Variants in CLSTN3 observed in about 807,000 individuals in gnomAD.
CLSTN3 encodes calsyntenin-3.
CLSTN3 carries 36 observed loss-of-function variants against 95.9 expected under a neutral mutation model. The ratio of observed to expected loss-of-function variants is 0.38; its 90% CI spans 0.29 to 0.50. CLSTN3 has a LOEUF of 0.50. Among genes scored for constraint, CLSTN3 ranks in the 20% least tolerant of loss-of-function variants. CLSTN3 has a pLI of 0.95. For synonymous variants in CLSTN3, 481 were observed against 504.0 expected, an observed-to-expected ratio of 0.95 and a Z score of 0.61; for missense variants, 1,084 against 1,268.8, an observed-to-expected ratio of 0.85 and a Z score of 2.21.
chr12:7,138,273 T>TAAAAAAAAAAAAAA (rs1032125660), intron 8 of CLSTN3, among the ~76,000 whole-genome samples: 216 of 148,032 alleles, frequency 1.5e-3, no homozygotes, highest in East Asian at 7.6e-3. Context: ...CTTCTGGATT[T>TAAAAAAAAAAAAAA]AAAAAAAAAA....
chr12:7,135,255 G>C, intron 3 of CLSTN3, 72 bp from the exon 4 acceptor site: 2 of 1,432,584 alleles, frequency 1.4e-6, no homozygotes, highest in Admixed American at 1.7e-5. Context: ...GCTGTATCAA[G>C]GCTGTATCTC....
rs751855218 is a variant in CLSTN3 at position 7,135,908 on chromosome 12, G to A, written c.697G>A (p.Glu233Lys). 9.9e-6 allele frequency: 16 copies of A among 1,613,980 alleles called. No individual in the cohort carries two copies. The highest frequency in any genetic ancestry group is 1.3e-5 in the African/African-American group (1 of 75,062). Residue 233 changes from glutamate (E) to lysine (K), a missense_variant, in exon 5 of 18, where the codon GAG becomes AAG. Transcript: ENST00000266546. Reference protein sequence around the residue: ...CGKKRAADDAEVEIQVKPTCK... With the variant: ...CGKKRAADDAKVEIQVKPTCK... ...GAAGAAGCGGGCAGCAGATGATGCT[G>A]AGGTGGAGATTCAGGTGAAGCCCAC...
At position 7,157,889 on chromosome 12, in the gene CLSTN3, T is replaced by C; in HGVS notation, c.2731-52T>C. The C allele has an allele frequency of 6.5e-7, 1 of 1,544,424 alleles. No homozygotes were observed. Among genetic ancestry groups the C allele is most frequent in the South Asian group, 1.2e-5 (1 of 83,884 alleles). ...GAAGTGTGGTCCCTGAAAGAGAGGC[T>C]GGGATGTGTGCAGGCCATTGATCCC... On this transcript the variant is annotated intron_variant, in intron 17 of 17. Coordinates refer to ENST00000266546, the MANE Select transcript of CLSTN3 (RefSeq NM_014718.4). The surrounding 1 kb of genome is among the most constrained non-coding windows in gnomAD (Gnocchi z 5.9).
rs753658791 is a variant in CLSTN3 at position 7,149,110 on chromosome 12, C to T, written c.1986C>T (p.Asn662=). The T allele has an allele frequency of 9.9e-6, 16 of 1,614,062 alleles. No homozygotes were observed. The highest frequency in any genetic ancestry group is 4.5e-5 in the East Asian group (2 of 44,896). The change falls in exon 13 of 18, where the codon AAC becomes AAT. Residue 662 remains asparagine (N), a synonymous_variant. Transcript: ENST00000266546. The surrounding 1 kb of genome is among the most constrained non-coding windows in gnomAD (Gnocchi z 4.5). ...ARPAVDFEGT[N]GVPLFPDLQI... ...CAGCTGTGGACTTTGAGGGAACCAA[C>T]GGCGTCCCTTTGTTCCCTGATCTTC...
chr12:7,144,974 G>T (rs1591618511), intron 12 of CLSTN3, among the ~76,000 whole-genome samples: 1 of 151,976 alleles, frequency 6.6e-6, no homozygotes. Flanking sequence ...TTGTTAAAGG[G>T]CTGTCATCCA....
intron 1 of CLSTN3, 74 bp from the exon 2 acceptor site, chr12:7,132,950 G>A (rs772624226): frequency 1.9e-6 from 3 of 1,601,808 alleles, no homozygotes; most frequent in Non-Finnish European, 2.6e-6. Flanking sequence ...AGTTGTCTGG[G>A]TCAACAAGGG....
intron 1 of CLSTN3, chr12:7,131,025 C>G (rs574967433): frequency 2.0e-6 from 1 of 489,510 alleles, no homozygotes; most frequent in East Asian, 3.8e-5. Flanking sequence ...TGGTGGCTAC[C>G]TCGGGTCTGG....
At position 7,133,595 on chromosome 12, in the gene CLSTN3, C is replaced by G. The variant is rs759447166; in HGVS notation, c.210C>G (p.Leu70=). 1 of 1,613,972 alleles carries G rather than the reference C, an allele frequency of 6.2e-7. No homozygotes were observed. Among genetic ancestry groups the G allele is most frequent in the South Asian group, 1.1e-5 (1 of 91,080 alleles). ...RYAGEICGFR[L]HGSGVPFEAV... Reference sequence around the variant, plus strand: ...CAGGTGAGATCTGCGGCTTCCGGCTCCATGGGTCTGGGGTGCCCTTTGAGG... The same window carrying G: ...CAGGTGAGATCTGCGGCTTCCGGCTGCATGGGTCTGGGGTGCCCTTTGAGG... Residue 70 remains leucine, a synonymous_variant, in exon 3 of 18, where the codon CTC becomes CTG. Coordinates refer to ENST00000266546, the MANE Select transcript of CLSTN3 (RefSeq NM_014718.4). The surrounding 1 kb of genome is among the most constrained non-coding windows in gnomAD (Gnocchi z 4.7).
At position 7,133,655 on chromosome 12, in the gene CLSTN3, G is replaced by T. The variant is rs781710631; in HGVS notation, c.270G>T (p.Leu90=). 1 of 1,614,158 alleles carries T rather than the reference G, an allele frequency of 6.2e-7. No individual in the cohort carries two copies. Among genetic ancestry groups the T allele is most frequent in the South Asian group, 1.1e-5 (1 of 91,080 alleles). The stretch of plus-strand genomic sequence containing the variant: ...TTGACAAGGCGACAGGAGAGGGGCT[G>T]ATCCGGGCCAAGGAGCCTGTGGACT... ...VILDKATGEG[L]IRAKEPVDCE... The change falls in exon 3 of 18, where the codon CTG becomes CTT. Residue 90 remains leucine, a synonymous_variant. Transcript: ENST00000266546. The surrounding 1 kb of genome is among the most constrained non-coding windows in gnomAD (Gnocchi z 4.7).
chr12:7,134,074 T>A (rs911435073), intron 3 of CLSTN3, among the ~76,000 whole-genome samples: 2 of 152,210 alleles, frequency 1.3e-5, no homozygotes, highest in African/African-American at 4.8e-5. Flanking sequence ...ACCTACTTCA[T>A]AAGGCTGCTG....
rs1396766723 is a variant in CLSTN3, at chr12:7,150,570, G to A, written c.2272G>A (p.Glu758Lys). ...AGVESITVYEEILRQARYRLR... is the reference protein window; with the variant it reads ...AGVESITVYEKILRQARYRLR... ...GGTGGAGAGCATCACTGTGTATGAAGAGATCCTGAGGCAGGCTCGTTATCG... is the reference window on the plus strand; with the variant it reads ...GGTGGAGAGCATCACTGTGTATGAAAAGATCCTGAGGCAGGCTCGTTATCG... Residue 758 changes from glutamate to lysine, a missense_variant, in exon 15 of 18, where the codon GAG becomes AAG. Physicochemically the swap from Glu to Lys is moderately conservative, Grantham distance 56. Transcript: ENST00000266546. The surrounding 1 kb of genome is among the most constrained non-coding windows in gnomAD (Gnocchi z 4.0). 3.7e-6 allele frequency: 6 copies of A among 1,613,960 alleles called. No individual in the cohort carries two copies. Among genetic ancestry groups the A allele is most frequent in the Non-Finnish European group, 5.1e-6 (6 of 1,179,894 alleles).
At position 7,143,101 on chromosome 12, in the gene CLSTN3, C is replaced by T. The variant is rs771998660; in HGVS notation, c.1699-62C>T. The T allele has an allele frequency of 5.1e-5, 81 of 1,598,454 alleles. No individual in the cohort carries two copies. In the Admixed American group the frequency reaches 6.1e-4, roughly 12 times the overall value. On this transcript the variant is annotated intron_variant, in intron 11 of 17. Transcript: ENST00000266546. ...ACCCCCTTGCCCTACCCCTCTACCT[C>T]TGCTCCCTTCCTCTGCCACCTCCTG...
intron 12 of CLSTN3, 142 bp from the exon 13 acceptor site, chr12:7,148,830 A>T: frequency 1.4e-6 from 1 of 691,670 alleles, no homozygotes; most frequent in Non-Finnish European, 2.5e-6. Context: ...ATGCAGAGGC[A>T]TGACCCCCTT....
In CLSTN3 at chr12:7,130,683, C is replaced by T. The variant is rs760642941; in HGVS notation, c.35C>T (p.Ser12Phe). 6.3e-7 allele frequency: 1 copy of T among 1,574,884 alleles called. No individual in the cohort carries two copies. Among genetic ancestry groups the T allele is most frequent in the Non-Finnish European group, 8.6e-7 (1 of 1,159,136 alleles). ...TLLLLPLLLA[S>F]LLASCSCNKA... Reference sequence around the variant, plus strand: ...CTGCTGCTGCCCCTTCTGCTGGCCTCTCTGCTCGCGTCCTGCTCCTGTAAC... The same window carrying T: ...CTGCTGCTGCCCCTTCTGCTGGCCTTTCTGCTCGCGTCCTGCTCCTGTAAC... Residue 12 changes from serine (S) to phenylalanine (F), a missense_variant, in exon 1 of 18, where the codon TCT becomes TTT. Ser to Phe is a radical substitution (Grantham distance 155). Coordinates refer to ENST00000266546, the MANE Select transcript of CLSTN3 (RefSeq NM_014718.4).
At chr12:7,139,789 C>T (rs1387946407) in intron 8 of CLSTN3, among the ~76,000 whole-genome samples, 1 of 152,072 alleles carries the variant, frequency 6.6e-6, no homozygotes, top group Non-Finnish European at 1.5e-5. Flanking sequence ...GTTGGGACTA[C>T]AGGCGTGTGC....
In CLSTN3 at chr12:7,142,947, G is replaced by T. The variant is rs370059456; in HGVS notation, c.1619G>T (p.Arg540Leu). Residue 540 changes from arginine to leucine, a missense_variant, in exon 11 of 18, where the codon CGC (arginine) becomes CTC (leucine). By Grantham distance (102) the Arg-to-Leu change is moderately radical. Coordinates refer to ENST00000266546, the MANE Select transcript of CLSTN3 (RefSeq NM_014718.4). ...FSVRSGRLES[R>L]EVIECLYACR... is the part of the protein sequence containing the mutation. ...GTGCGCTCAGGTCGCCTGGAGAGCC[G>T]CGAGGTCATCGAGTGCCTCTATGCA... 26 of 1,614,102 alleles carry T rather than the reference G, an allele frequency of 1.6e-5. No homozygotes were observed. Among genetic ancestry groups the T allele is most frequent in the Non-Finnish European group, 2.2e-5 (26 of 1,180,004 alleles).
chr12:7,156,194 G>A (rs1414162785), intron 16 of CLSTN3: 5 of 443,882 alleles, frequency 1.1e-5, no homozygotes, highest in African/African-American at 1.0e-4. Flanking sequence ...TGGTGGGCAG[G>A]GGTGTGCACC....
Position 7,150,821 on chromosome 12 carries a change from GA to G in CLSTN3, c.2392-106del, listed in dbSNP as rs1939710746. On this transcript the variant is annotated intron_variant, in intron 15 of 17. Coordinates refer to ENST00000266546, the MANE Select transcript of CLSTN3 (RefSeq NM_014718.4). This position sits in a 1 kb window ranked among gnomAD's most constrained non-coding sequence, Gnocchi z 4.0. ...GGGCTGCTGGACCTTGCAGTGGGTG[GA>G]GGAGAAGGAGATGGGGGCAGTAGTT... is the stretch of plus-strand genomic sequence containing the variant. The G allele has an allele frequency of 6.5e-7, 1 of 1,546,368 alleles. No homozygotes were observed.
intron 12 of CLSTN3, 126 bp downstream of exon 12, chr12:7,143,437 T>G: frequency 9.5e-7 from 1 of 1,054,050 alleles, no homozygotes; most frequent in Non-Finnish European, 1.3e-6. Flanking sequence ...GATTGGGCCC[T>G]CAAATGGAGA....
Sources: allele counts gnomAD v4.1 joint callset (sites outside exome capture counted in the v4.1 genomes callset), GRCh38; gene constraint gnomAD v4.1.1; non-coding constraint Gnocchi (gnomAD v3.1); transcripts MANE v1.5; gene names NCBI Gene and HGNC (gene_info 2026-07-23, HGNC 2026-07-21).